DYM: variants seen among roughly 807,000 people sequenced by gnomAD.
DYM encodes the protein dymeclin.
DYM carries 78 observed loss-of-function variants against 93.1 expected under a neutral mutation model. The observed-to-expected ratio is 0.84, with a 90% CI of 0.70 to 1.01. The LOEUF (loss-of-function observed/expected upper bound fraction) is 1.01, where lower values mean the gene tolerates loss of function less well. DYM is among the 50% of genes least tolerant of loss of function. DYM has a pLI of 0.00. For synonymous variants in DYM, 321 were observed against 319.7 expected (o/e 1.00, Z -0.04); for missense variants, 789 against 845.0 (o/e 0.93, Z 0.82).
chr18:49,163,333 G>C (rs1189453633), intron 15 of DYM, among the ~76,000 whole-genome samples: 4 of 152,128 alleles, frequency 2.6e-5, no homozygotes, highest in Non-Finnish European at 2.9e-5. Flanking sequence ...ATTTTACAAT[G>C]AAATAATTTA....
intron 7 of DYM, among the ~76,000 whole-genome samples, chr18:49,332,321 C>A (rs1456803502): frequency 6.6e-6 from 1 of 152,160 alleles, no homozygotes; most frequent in African/African-American, 2.4e-5. Flanking sequence ...AGGCTGGTCT[C>A]AAACTCCTAA....
rs1450958016 is a variant in DYM, at chr18:49,292,351, GACAGACACACACACAC to G, written c.764-5751_764-5736del. On this transcript the variant is annotated intron_variant, in intron 8 of 17. Transcript: ENST00000675505. The stretch of plus-strand genomic sequence containing the variant: ...AGGCAGGCAGGCAGACAGACAGACA[GACAGACACACACACAC>G]ACACACACACACACACACACACACA... Among the ~76,000 whole-genome samples, 553 of 106,710 alleles carry G rather than the reference GACAGACACACACACAC, an allele frequency of 5.2e-3. 7 individuals are homozygous for G. Among genetic ancestry groups the G allele is most frequent in the Admixed American group, 7.9e-3 (78 of 9,868 alleles). 70.0% of individuals were successfully genotyped at this position (106,710 alleles called of 152,430 possible).
intron 3 of DYM, among the ~76,000 whole-genome samples, chr18:49,384,873 G>T (rs946407495): frequency 6.6e-6 from 1 of 150,624 alleles, no homozygotes; most frequent in East Asian, 1.9e-4. Flanking sequence ...AGGTGATCAA[G>T]AGGTAGGGAG....
chr18:49,350,342 T>C (rs117641996), intron 6 of DYM, among the ~76,000 whole-genome samples: 25 of 152,300 alleles, frequency 1.6e-4, no homozygotes, highest in Non-Finnish European at 3.4e-4. Context: ...AGCTACTGAT[T>C]GGGAAAAATC....
chr18:49,334,397 T>C (rs1056264364), intron 6 of DYM, among the ~76,000 whole-genome samples: 2 of 152,212 alleles, frequency 1.3e-5, no homozygotes, highest in African/African-American at 4.8e-5. Context: ...GTTATTCCTG[T>C]TTTATTAAGC....
chr18:49,199,029 C>G (rs1439020177), intron 14 of DYM, among the ~76,000 whole-genome samples: 1 of 152,134 alleles, frequency 6.6e-6, no homozygotes, highest in Non-Finnish European at 1.5e-5. Flanking sequence ...ACATATACAC[C>G]ATGGAATACT....
intron 17 of DYM, among the ~76,000 whole-genome samples, chr18:49,069,374 C>A (rs1039959426): frequency 6.6e-6 from 1 of 152,218 alleles, no homozygotes; most frequent in Non-Finnish European, 1.5e-5. Context: ...AGGTCACCCA[C>A]TCGCTATTCT....
intron 15 of DYM, among the ~76,000 whole-genome samples, chr18:49,145,109 A>ATT: frequency 3.1e-5 from 1 of 32,186 alleles, no homozygotes; most frequent in Admixed American, 3.5e-4. Context: ...AAAAAAATTC[A>ATT]TATATATATA....
At chr18:49,348,490 T>C (rs1400281298) in intron 6 of DYM, among the ~76,000 whole-genome samples, 1 of 152,160 alleles carries the variant, frequency 6.6e-6, no homozygotes, top group Admixed American at 6.5e-5. Context: ...AAATGTGGAT[T>C]TTAGTCTCAG....
At chr18:49,196,947 T>G (rs1190494792) in intron 14 of DYM, among the ~76,000 whole-genome samples, 1 of 151,952 alleles carries the variant, frequency 6.6e-6, no homozygotes, top group Non-Finnish European at 1.5e-5. Context: ...AAGTAGAGAT[T>G]TGATTTATAT....
chr18:49,260,662 C>G (rs554765059), intron 11 of DYM, among the ~76,000 whole-genome samples: 1 of 152,216 alleles, frequency 6.6e-6, no homozygotes, highest in South Asian at 2.1e-4. Flanking sequence ...GAACATGTTA[C>G]CACCAACGGA....
rs553902741 is a variant in DYM at position 49,143,284 on chromosome 18, G to A, written c.1728+20401C>T. On this transcript the variant is annotated intron_variant, in intron 15 of 17. Transcript: ENST00000675505. Reference sequence around the variant, plus strand: ...GAAGTCTGTCTGACTTGCAGTGTAAGTTTATTCCTTTATGCCACAGTGCAA... The same window carrying A: ...GAAGTCTGTCTGACTTGCAGTGTAAATTTATTCCTTTATGCCACAGTGCAA... 2.6e-5 allele frequency among the ~76,000 whole-genome samples: 4 copies of A among 152,286 alleles called. No homozygotes were observed. In the East Asian group the frequency reaches 7.7e-4, roughly 29 times the overall value.
chr18:49,360,316 T>C (rs940087980), intron 6 of DYM, among the ~76,000 whole-genome samples: 2 of 149,546 alleles, frequency 1.3e-5, no homozygotes, highest in Non-Finnish European at 3.0e-5. Flanking sequence ...CCTGGTATTG[T>C]GTTATATAAA....
At chr18:49,196,298 T>C (rs75156227) in intron 14 of DYM, among the ~76,000 whole-genome samples, 12,128 of 152,210 alleles carry the variant, frequency 0.08, 758 homozygotes, top group East Asian at 0.29. Context: ...TCTAAGTCTA[T>C]TGAAAAGTGG....
intron 14 of DYM, among the ~76,000 whole-genome samples, chr18:49,208,235 A>G (rs1283221703): frequency 6.6e-6 from 1 of 151,708 alleles, no homozygotes; most frequent in East Asian, 1.9e-4. Flanking sequence ...ATTATCCTGC[A>G]CATTTCAGAA....
chr18:49,273,158 C>T (rs1243451450), intron 10 of DYM, among the ~76,000 whole-genome samples: 1 of 152,140 alleles, frequency 6.6e-6, no homozygotes, highest in Non-Finnish European at 1.5e-5. Flanking sequence ...TTGACAGGCA[C>T]ACCTATTGCA....
chr18:49,436,396 C>T (rs2080866505), intron 1 of DYM, among the ~76,000 whole-genome samples: 1 of 152,088 alleles, frequency 6.6e-6, no homozygotes, highest in African/African-American at 2.4e-5. Flanking sequence ...TTCTTGGGTC[C>T]TCTGGGATTC....
At chr18:49,334,189 G>A (rs1434905563) in intron 6 of DYM, among the ~76,000 whole-genome samples, 1 of 152,100 alleles carries the variant, frequency 6.6e-6, no homozygotes, top group African/African-American at 2.4e-5. Context: ...GTTCATTTCT[G>A]TTTAGTGATA....
intron 14 of DYM, among the ~76,000 whole-genome samples, chr18:49,201,695 T>C (rs964088094): frequency 1.3e-5 from 2 of 152,258 alleles, no homozygotes; most frequent in African/African-American, 4.8e-5. Flanking sequence ...ATATGTCATG[T>C]GCTCTTCTAT....
Sources: allele counts gnomAD v4.1 joint callset (sites outside exome capture counted in the v4.1 genomes callset), GRCh38; gene constraint gnomAD v4.1.1; transcripts MANE v1.5; gene names NCBI Gene and HGNC (gene_info 2026-07-23, HGNC 2026-07-21).